The following SH3RF1 variants were observed in gnomAD, a reference collection of about 807,000 sequenced individuals.
SH3RF1 encodes the protein E3 ubiquitin-protein ligase SH3RF1.
SH3RF1 carries 32 observed loss-of-function variants against 74.0 expected under a neutral mutation model. The ratio of observed to expected loss-of-function variants is 0.43; its 90% CI spans 0.33 to 0.58. The LOEUF (loss-of-function observed/expected upper bound fraction) is 0.58, where lower values mean the gene tolerates loss of function less well. Ranked by LOEUF, SH3RF1 falls within the 20% of genes least tolerant of loss-of-function variation. The pLI is 0.05. For synonymous variants in SH3RF1, 396 were observed against 439.6 expected, an observed-to-expected ratio of 0.90 and a Z score of 1.24; for missense variants, 954 against 1,130.9, an observed-to-expected ratio of 0.84 and a Z score of 2.24.
chr4:169,236,566 A>G (rs1730826997), intron 2 of SH3RF1, among the ~76,000 whole-genome samples: 1 of 152,170 alleles, frequency 6.6e-6, no homozygotes, highest in South Asian at 2.1e-4. Context: ...CTGCTTCCTC[A>G]CCTGGAAAAT....
chr4:169,112,289 A>C (rs1186472756), intron 10 of SH3RF1, among the ~76,000 whole-genome samples: 1 of 152,248 alleles, frequency 6.6e-6, no homozygotes, highest in Non-Finnish European at 1.5e-5. Flanking sequence ...TCTCACAGAA[A>C]GTTGAGCAAA....
rs1214781468 is a variant in SH3RF1 at position 169,120,789 on chromosome 4, A to G, written c.1517+30T>C. On this transcript the variant is annotated intron_variant, in intron 8 of 11. Transcript: ENST00000284637. ...AAAGAACAAAGCTTCTCTGTTTAGA[A>G]CATAGTAAACAATGTATTCAAAACC... 5.6e-6 allele frequency: 9 copies of G among 1,611,950 alleles called. No homozygotes were observed. In the African/African-American group the frequency reaches 9.4e-5, roughly 17 times the overall value.
At chr4:169,137,555 C>T (rs921143362) in intron 4 of SH3RF1, among the ~76,000 whole-genome samples, 3 of 152,142 alleles carry the variant, frequency 2.0e-5, no homozygotes, top group African/African-American at 7.2e-5. Flanking sequence ...TAAAAGGTAA[C>T]TTAAATATAA....
intron 4 of SH3RF1, among the ~76,000 whole-genome samples, chr4:169,145,198 G>A (rs1400443310): frequency 6.6e-6 from 1 of 152,084 alleles, no homozygotes; most frequent in Admixed American, 6.5e-5. Context: ...TCCATCAACG[G>A]TCTACTGGAT....
In SH3RF1 at chr4:169,096,592, C is replaced by T. The variant is rs777930170; in HGVS notation, c.2594G>A (p.Gly865Asp). ...ACGTTGTAATGTGCCTTTGAACCAG[C>T]CATCCTCTCGTTTTTTATGAACAAA... ...IVFVHKKRED[G>D]WFKGTLQRNG... Residue 865 changes from glycine to aspartate, a missense_variant, in exon 12 of 12, where the codon GGC (glycine) becomes GAC (aspartate). Coordinates refer to ENST00000284637, the MANE Select transcript of SH3RF1 (RefSeq NM_020870.4). 1 of 1,614,126 alleles carries T rather than the reference C, an allele frequency of 6.2e-7. No individual in the cohort carries two copies. Among genetic ancestry groups the T allele is most frequent in the African/African-American group, 1.3e-5 (1 of 75,032 alleles).
In SH3RF1 at chr4:169,094,394, C is replaced by T. The variant is rs1157125424; in HGVS notation, c.*2125G>A. On this transcript the variant is annotated 3_prime_UTR_variant, in exon 12 of 12. Coordinates refer to ENST00000284637, the MANE Select transcript of SH3RF1 (RefSeq NM_020870.4). ...CAAGCCCTTGTTACAAAATCTCCCT[C>T]TACTGTCTGCAAAAAACCAATAGAA... is the stretch of plus-strand genomic sequence containing the variant. 1 of 151,988 alleles carries T rather than the reference C, an allele frequency of 6.6e-6. No individual in the cohort carries two copies. The highest frequency in any genetic ancestry group is 2.4e-5 in the African/African-American group (1 of 41,404). 9.4% of individuals were successfully genotyped at this position (151,988 alleles called of 1,614,324 possible).
chr4:169,136,489 G>C lies in SH3RF1; in HGVS notation c.897C>G (p.Thr299=). ...GGGAAGTGAAGGAGTGCCGCTTTTT[G>C]GTGTTCTTCTTGGTGTCGGAGTGCT... ...APKHSDTKKN[T]KKRHSFTSLT... Residue 299 remains threonine, a synonymous_variant, in exon 5 of 12, where the codon ACC becomes ACG. Transcript: ENST00000284637. 1 of 1,613,838 alleles carries C rather than the reference G, an allele frequency of 6.2e-7. No individual in the cohort carries two copies. The highest frequency in any genetic ancestry group is 8.5e-7 in the Non-Finnish European group (1 of 1,179,954).
chr4:169,176,068 G>T (rs1048672550), intron 2 of SH3RF1, among the ~76,000 whole-genome samples: 7 of 152,216 alleles, frequency 4.6e-5, no homozygotes, highest in African/African-American at 1.4e-4. Flanking sequence ...ACAGTAAGAA[G>T]GTGGCAAGCC....
chr4:169,262,140 G>A (rs1316550530), intron 2 of SH3RF1, among the ~76,000 whole-genome samples: 2 of 152,002 alleles, frequency 1.3e-5, no homozygotes, highest in African/African-American at 2.4e-5. Context: ...TAAACATGAA[G>A]AGATTTCATA....
At chr4:169,210,742 G>C (rs1315711826) in intron 2 of SH3RF1, among the ~76,000 whole-genome samples, 1 of 152,174 alleles carries the variant, frequency 6.6e-6, no homozygotes, top group African/African-American at 2.4e-5. Flanking sequence ...ATTAAAGGCT[G>C]TTCCAATATC....
At chr4:169,174,759 C>G (rs555463796) in intron 2 of SH3RF1, among the ~76,000 whole-genome samples, 114 of 152,184 alleles carry the variant, frequency 7.5e-4, no homozygotes, top group Admixed American at 1.8e-3. Flanking sequence ...AGCCCCACCC[C>G]AAACCAATTA....
intron 2 of SH3RF1, among the ~76,000 whole-genome samples, chr4:169,165,976 A>C (rs1734235644): frequency 6.6e-6 from 1 of 152,180 alleles, no homozygotes; most frequent in Admixed American, 6.5e-5. Context: ...GATGAATCCC[A>C]GACTCAAATG....
At chr4:169,097,215 A>G (rs13130334) in intron 11 of SH3RF1, among the ~76,000 whole-genome samples, 34,250 of 152,018 alleles carry the variant, frequency 0.23, 4,329 homozygotes, top group African/African-American at 0.33. Flanking sequence ...CTGTGTCCCT[A>G]CGTCCCTTAC....
chr4:169,265,400 T>C (rs2110763280), intron 2 of SH3RF1, among the ~76,000 whole-genome samples: 1 of 152,352 alleles, frequency 6.6e-6, no homozygotes, highest in Non-Finnish European at 1.5e-5. Flanking sequence ...CATGAAATCA[T>C]TAAGTAATAA....
intron 2 of SH3RF1, among the ~76,000 whole-genome samples, chr4:169,163,049 C>T (rs1158110635): frequency 6.6e-6 from 1 of 151,604 alleles, no homozygotes; most frequent in East Asian, 1.9e-4. Flanking sequence ...TCTCCAGCAG[C>T]CTTGCTGTTT....
chr4:169,267,488 C>T (rs1033419108), intron 2 of SH3RF1, among the ~76,000 whole-genome samples: 8 of 152,146 alleles, frequency 5.3e-5, no homozygotes, highest in Admixed American at 5.2e-4. Context: ...CTAAGAAAAG[C>T]ACTGTAAGCA....
intron 2 of SH3RF1, among the ~76,000 whole-genome samples, chr4:169,162,074 G>A (rs1204412114): frequency 6.6e-6 from 1 of 151,998 alleles, no homozygotes; most frequent in Admixed American, 6.6e-5. Context: ...TACTTGCGAG[G>A]CTGAGGCAGT....
At chr4:169,221,122 A>G (rs577632388) in intron 2 of SH3RF1, among the ~76,000 whole-genome samples, 2 of 152,360 alleles carry the variant, frequency 1.3e-5, no homozygotes, top group East Asian at 3.9e-4. Context: ...CTGACACAAC[A>G]TCATTCTGTG....
At chr4:169,117,449 T>G in intron 9 of SH3RF1, 74 bp downstream of exon 9, 1 of 1,564,774 alleles carries the variant, frequency 6.4e-7, no homozygotes, top group Non-Finnish European at 8.7e-7. Flanking sequence ...TTTCTCAACA[T>G]CTGTCATAAA....
Sources: gnomAD v4.1 joint callset for allele counts (sites outside exome capture counted in the v4.1 genomes callset) on GRCh38, gnomAD v4.1.1 for gene constraint, MANE v1.5 for transcripts, NCBI Gene and HGNC (gene_info 2026-07-23, HGNC 2026-07-21) for gene names.